ARAP2: variants seen among roughly 807,000 people sequenced by gnomAD.
ARAP2 encodes ArfGAP with RhoGAP domain, ankyrin repeat and PH domain 2.
A neutral mutation model predicts 194.5 loss-of-function variants in ARAP2; 148 were observed. That is an observed-to-expected ratio of 0.76 (90% CI 0.67 to 0.87). The LOEUF (loss-of-function observed/expected upper bound fraction) is 0.87. ARAP2 is among the 40% of genes least tolerant of loss of function. The pLI, the probability that ARAP2 is intolerant of heterozygous loss-of-function variation, is 0.00. For missense variants in ARAP2, 2,128 were observed against 1,989.7 expected, an observed-to-expected ratio of 1.07 and a Z score of -1.32; for synonymous variants, 695 against 683.5, an observed-to-expected ratio of 1.02 and a Z score of -0.26.
At chr4:36,072,679 C>A (rs1428408507) in intron 32 of ARAP2, among the ~76,000 whole-genome samples, 1 of 148,914 alleles carries the variant, frequency 6.7e-6, no homozygotes. Context: ...AAAAAAAAAC[C>A]CCAAAAAAAA....
intron 2 of ARAP2, 51 bp downstream of exon 2, chr4:36,228,531 C>G (rs1227036901): frequency 2.0e-6 from 3 of 1,484,128 alleles, no homozygotes; most frequent in East Asian, 4.6e-5. Flanking sequence ...TAAAAAAAAT[C>G]ACTGAATTTC....
chr4:36,193,642 C>A lies in ARAP2; in HGVS notation c.1493G>T (p.Arg498Leu), dbSNP rs147818984. 1.9e-6 allele frequency: 3 copies of A among 1,599,276 alleles called. No individual in the cohort carries two copies. Among genetic ancestry groups the A allele is most frequent in the African/African-American group, 1.3e-5 (1 of 74,602 alleles). ...WLDKLSPQGK[R>L]MFQKRWVKFD... ...TTTCACCCATCTCTTTTGAAACATG[C>A]GTTTTCTGCAAAACATATGAAATTG... Residue 498 changes from arginine to leucine, a missense_variant, in exon 7 of 33, where the codon CGC becomes CTC. By Grantham distance (102) the Arg-to-Leu change is moderately radical (BLOSUM62 -2). Coordinates refer to ENST00000303965, the MANE Select transcript of ARAP2 (RefSeq NM_015230.4).
intron 19 of ARAP2, among the ~76,000 whole-genome samples, chr4:36,139,507 A>T (rs570947182): frequency 1.1e-3 from 174 of 151,764 alleles, no homozygotes; most frequent in African/African-American, 4.1e-3. Context: ...CAGATTTTTT[A>T]AAAATATATT....
chr4:36,035,270 T>C (rs1719716208), intron 5 of ARAP2, among the ~76,000 whole-genome samples: 1 of 152,158 alleles, frequency 6.6e-6, no homozygotes, highest in East Asian at 1.9e-4. Context: ...TTGTTATCAG[T>C]CTGTTCAGGA....
intron 7 of ARAP2, among the ~76,000 whole-genome samples, chr4:36,192,306 G>C (rs537307176): frequency 1.3e-5 from 2 of 148,518 alleles, no homozygotes; most frequent in South Asian, 2.1e-4. Flanking sequence ...ATTTTTATAT[G>C]AACTTTTTAA....
At chr4:36,243,767 G>A (rs1437766843) in intron 1 of ARAP2, 1 of 152,234 alleles carries the variant, frequency 6.6e-6, no homozygotes, top group Admixed American at 6.5e-5. Context: ...TTAATTAACA[G>A]GCCAGTCGTC....
chr4:36,146,210 C>G lies in ARAP2; in HGVS notation c.3263+1086G>C, dbSNP rs1729591304. 2.0e-5 allele frequency among the ~76,000 whole-genome samples: 3 copies of G among 151,940 alleles called. No individual in the cohort carries two copies. The South Asian group carries it at 6.2e-4, about 31-fold the overall frequency. The stretch of plus-strand genomic sequence containing the variant: ...TCTAACTTCACGAAACATCCACTCA[C>G]TCCTATTCTCAGGTAAGTCACTGCT... On this transcript the variant is annotated intron_variant, in intron 19 of 32. Transcript: ENST00000303965.
chr4:36,104,137 A>G (rs2109447392), intron 27 of ARAP2, among the ~76,000 whole-genome samples: 1 of 152,048 alleles, frequency 6.6e-6, no homozygotes, highest in South Asian at 2.1e-4. Context: ...TGTTTTAACA[A>G]AATGTTAACA....
chr4:36,220,482 GATA>G (rs1748907219), intron 2 of ARAP2, among the ~76,000 whole-genome samples: 1 of 151,974 alleles, frequency 6.6e-6, no homozygotes, highest in Admixed American at 6.6e-5. Context: ...CATAATACTT[GATA>G]ATAAGTGATC....
In ARAP2 at chr4:36,160,642, C is replaced by T; in HGVS notation, c.2260-1G>A. 7.3e-7 allele frequency: 1 copy of T among 1,378,244 alleles called. No individual in the cohort carries two copies. The highest frequency in any genetic ancestry group is 1.8e-5 in the South Asian group (1 of 56,874). The allele number at this position is 1,378,244 out of a possible 1,614,324, so 85.4% of individuals were successfully genotyped here. ...TTTTGTTTCCAATGACAATAAAAAGCTGAATTGTCAAAAAAAAAACCCCAT... is the reference window on the plus strand; with the variant it reads ...TTTTGTTTCCAATGACAATAAAAAGTTGAATTGTCAAAAAAAAAACCCCAT... On this transcript the variant is annotated splice_acceptor_variant, in intron 12 of 32. Coordinates refer to ENST00000303965, the MANE Select transcript of ARAP2 (RefSeq NM_015230.4). LOFTEE classifies it high-confidence loss of function.
At chr4:36,126,291 C>T (rs1470348483) in intron 21 of ARAP2, among the ~76,000 whole-genome samples, 1 of 152,020 alleles carries the variant, frequency 6.6e-6, no homozygotes, top group East Asian at 1.9e-4. Flanking sequence ...AAATTTAACA[C>T]TACTACGCTT....
chr4:36,236,446 G>A (rs781757069), intron 1 of ARAP2, among the ~76,000 whole-genome samples: 49 of 151,978 alleles, frequency 3.2e-4, no homozygotes, highest in Admixed American at 2.0e-4. Flanking sequence ...TAATACAATC[G>A]AATCAGTCAT....
At chr4:36,169,181 GA>G (rs1735984859) in intron 9 of ARAP2, among the ~76,000 whole-genome samples, 1 of 152,172 alleles carries the variant, frequency 6.6e-6, no homozygotes, top group African/African-American at 2.4e-5. Context: ...ATAAACTCTA[GA>G]ATAAATACGT....
intron 7 of ARAP2, among the ~76,000 whole-genome samples, chr4:36,190,110 T>G (rs970234145): frequency 6.6e-5 from 10 of 152,232 alleles, no homozygotes; most frequent in Non-Finnish European, 1.3e-4. Flanking sequence ...CATACACTGT[T>G]TGCTCTGCAA....
intron 19 of ARAP2, among the ~76,000 whole-genome samples, chr4:36,138,957 T>G (rs183499787): frequency 9.3e-4 from 141 of 151,846 alleles, no homozygotes; most frequent in Non-Finnish European, 1.6e-3. Flanking sequence ...TGTTGGCTAT[T>G]CATAGACATC....
chr4:36,162,139 AATAT>A (rs10600105), intron 11 of ARAP2, among the ~76,000 whole-genome samples: 1,580 of 146,814 alleles, frequency 0.011, 37 homozygotes, highest in African/African-American at 0.038. Context: ...CACTTACTTA[AATAT>A]ATATATATAT....
At chr4:36,185,446 G>A (rs1468454931) in intron 8 of ARAP2, among the ~76,000 whole-genome samples, 1 of 152,034 alleles carries the variant, frequency 6.6e-6, no homozygotes. Flanking sequence ...GTAATCCACA[G>A]TTTGAACAAA....
At chr4:36,147,497 T>C (rs1243777585) in intron 18 of ARAP2, 51 bp downstream of exon 18, 7 of 1,563,044 alleles carry the variant, frequency 4.5e-6, no homozygotes, top group Non-Finnish European at 6.1e-6. Context: ...ATCACTATTG[T>C]ATGCAATAAA....
Position 36,156,377 on chromosome 4 carries a change from GA to G in ARAP2, c.2752+2352del, listed in dbSNP as rs1560548754. Among the ~76,000 whole-genome samples, 2 of 9,446 alleles carry G rather than the reference GA, an allele frequency of 2.1e-4. 1 individual carries two copies. Among genetic ancestry groups the G allele is most frequent in the African/African-American group, 1.4e-3 (2 of 1,448 alleles). The allele number at this position is 9,446 out of a possible 152,430, so 6.2% of individuals were successfully genotyped here. On this transcript the variant is annotated intron_variant, in intron 15 of 32. Coordinates refer to ENST00000303965, the MANE Select transcript of ARAP2 (RefSeq NM_015230.4). Reference sequence around the variant, plus strand: ...AGAGAGGGAGGGAGGGAGGGAGGGGGAAAGAGAGAGAGAGAAAGAAAGAAAG... The same window carrying G: ...AGAGAGGGAGGGAGGGAGGGAGGGGGAAGAGAGAGAGAGAAAGAAAGAAAG...
Sources: gnomAD v4.1 joint callset for allele counts (sites outside exome capture counted in the v4.1 genomes callset) on GRCh38, gnomAD v4.1.1 for gene constraint, MANE v1.5 for transcripts, NCBI Gene and HGNC (gene_info 2026-07-23, HGNC 2026-07-21) for gene names.